The following VRK2 variants were observed in gnomAD, a reference collection of about 807,000 sequenced individuals.
VRK2 encodes serine/threonine-protein kinase VRK2.
Under a neutral mutation model 57.6 loss-of-function variants are expected in VRK2, and 60 were observed. The observed-to-expected ratio is 1.04, with a 90% CI of 0.85 to 1.29. VRK2 has a LOEUF of 1.29. VRK2 is among the 50% of genes most tolerant of loss of function. VRK2 has a pLI of 0.00. For synonymous variants in VRK2, 231 were observed against 199.2 expected, an observed-to-expected ratio of 1.16 and a Z score of -1.35; for missense variants, 705 against 588.1, an observed-to-expected ratio of 1.20 and a Z score of -2.06.
intron 11 of VRK2, among the ~76,000 whole-genome samples, chr2:58,142,816 G>C (rs1166440506): frequency 1.3e-5 from 2 of 151,752 alleles, no homozygotes; most frequent in African/African-American, 4.8e-5. Flanking sequence ...CCTTTTAATC[G>C]TTTATCAATG....
intron 7 of VRK2, among the ~76,000 whole-genome samples, chr2:58,096,661 A>C (rs1673180380): frequency 6.6e-6 from 1 of 151,868 alleles, no homozygotes; most frequent in Non-Finnish European, 1.5e-5. Context: ...ATTTTTCAAC[A>C]AAGTTCAATT....
At chr2:58,010,309 T>C (rs1355041737) in intron 1 of VRK2, among the ~76,000 whole-genome samples, 3 of 152,134 alleles carry the variant, frequency 2.0e-5, no homozygotes, top group African/African-American at 7.2e-5. Context: ...TATAATTTCA[T>C]GACAAACAAG....
chr2:58,050,037 T>G (rs571520802), intron 2 of VRK2, among the ~76,000 whole-genome samples: 17 of 152,158 alleles, frequency 1.1e-4, no homozygotes, highest in Non-Finnish European at 1.8e-4. Flanking sequence ...TGAAATTGCT[T>G]GAAAAAATAC....
intron 7 of VRK2, among the ~76,000 whole-genome samples, chr2:58,097,271 A>G (rs1013364016): frequency 1.3e-5 from 2 of 151,974 alleles, no homozygotes; most frequent in Admixed American, 6.6e-5. Context: ...GTCTACTCTT[A>G]TTAGTGTTTC....
intron 1 of VRK2, among the ~76,000 whole-genome samples, chr2:57,922,488 G>GT (rs1670384407): frequency 5.4e-5 from 8 of 148,490 alleles, no homozygotes; most frequent in South Asian, 2.1e-4. Context: ...GTGTGTGTGT[G>GT]ATGAGAATAT....
chr2:58,003,939 T>C (rs1673165703), intron 1 of VRK2, among the ~76,000 whole-genome samples: 1 of 152,170 alleles, frequency 6.6e-6, no homozygotes, highest in Non-Finnish European at 1.5e-5. Context: ...GAATTCTTAG[T>C]GTAATTTATA....
intron 2 of VRK2, among the ~76,000 whole-genome samples, chr2:58,082,049 C>CT (rs753229489): frequency 4.6e-5 from 7 of 151,810 alleles, no homozygotes; most frequent in Non-Finnish European, 8.8e-5. Flanking sequence ...TCTCTAAGAG[C>CT]TTTCTAGTCT....
chr2:57,999,070 TG>T (rs912252438), intron 1 of VRK2, among the ~76,000 whole-genome samples: 67 of 150,610 alleles, frequency 4.4e-4, no homozygotes, highest in Non-Finnish European at 6.1e-4. Flanking sequence ...TATAAGGGGG[TG>T]GGGGGATCTC....
intron 7 of VRK2, among the ~76,000 whole-genome samples, chr2:58,116,640 G>C (rs562238509): frequency 2.0e-5 from 3 of 152,290 alleles, no homozygotes; most frequent in South Asian, 2.1e-4. Context: ...CTCAGCATCC[G>C]TGATGGTCTA....
intron 2 of VRK2, among the ~76,000 whole-genome samples, chr2:58,052,735 A>G (rs751210538): frequency 2.0e-5 from 3 of 152,198 alleles, no homozygotes; most frequent in East Asian, 1.9e-4. Context: ...AACTGAGAAC[A>G]TAGAGAATGT....
chr2:57,919,541 A>T (rs1670268590), intron 1 of VRK2, among the ~76,000 whole-genome samples: 1 of 152,076 alleles, frequency 6.6e-6, no homozygotes, highest in Non-Finnish European at 1.5e-5. Context: ...TCTAAATCTA[A>T]ATATCATGTG....
At chr2:58,020,483 G>C (rs1213508855) in intron 1 of VRK2, among the ~76,000 whole-genome samples, 1 of 152,258 alleles carries the variant, frequency 6.6e-6, no homozygotes, top group Non-Finnish European at 1.5e-5. Flanking sequence ...GGGATTACAG[G>C]TGCAAAGCAC....
At chr2:58,157,908 C>G (rs1046357653) in intron 12 of VRK2, among the ~76,000 whole-genome samples, 2 of 152,160 alleles carry the variant, frequency 1.3e-5, no homozygotes, top group African/African-American at 2.4e-5. Flanking sequence ...ATTCACAAAA[C>G]AGGCAACTAG....
At chr2:58,126,852 A>G (rs1232963202) in intron 8 of VRK2, among the ~76,000 whole-genome samples, 2 of 152,090 alleles carry the variant, frequency 1.3e-5, no homozygotes, top group Non-Finnish European at 2.9e-5. Context: ...GTATTTTAAA[A>G]TTGGTTACAT....
chr2:58,093,344 A>G (rs1477594548), intron 7 of VRK2, among the ~76,000 whole-genome samples: 7 of 152,016 alleles, frequency 4.6e-5, no homozygotes, highest in Non-Finnish European at 1.0e-4. Context: ...TGACTTTTTA[A>G]TGATTGCCAT....
chr2:58,113,182 G>C (rs189707393), intron 7 of VRK2, among the ~76,000 whole-genome samples: 3 of 151,888 alleles, frequency 2.0e-5, no homozygotes, highest in African/African-American at 7.3e-5. Context: ...GGTGGCACAC[G>C]GCTGTAATCC....
At chr2:58,000,020 G>A (rs183587555) in intron 1 of VRK2, among the ~76,000 whole-genome samples, 18 of 151,714 alleles carry the variant, frequency 1.2e-4, no homozygotes, top group Admixed American at 7.2e-4. Context: ...ACGCACACAC[G>A]CACACACGCA....
intron 2 of VRK2, among the ~76,000 whole-genome samples, chr2:58,054,024 A>G (rs1332876462): frequency 6.6e-6 from 1 of 152,140 alleles, no homozygotes; most frequent in African/African-American, 2.4e-5. Flanking sequence ...GGACTTACAG[A>G]CAAGAAATAA....
At chr2:58,051,902 T>C (rs1357672520) in intron 2 of VRK2, among the ~76,000 whole-genome samples, 1 of 152,126 alleles carries the variant, frequency 6.6e-6, no homozygotes, top group Non-Finnish European at 1.5e-5. Context: ...TCTTTGAATA[T>C]GAAAAGAGAA....
Sources: gnomAD v4.1 joint callset for allele counts (sites outside exome capture counted in the v4.1 genomes callset) on GRCh38, gnomAD v4.1.1 for gene constraint, MANE v1.5 for transcripts, NCBI Gene and HGNC (gene_info 2026-07-23, HGNC 2026-07-21) for gene names.